Variants in RALYL observed in about 807,000 individuals in gnomAD.
The protein encoded by RALYL is RALY RNA binding protein like, also known as RNA-binding Raly-like protein.
Under a neutral mutation model 35.1 loss-of-function variants are expected in RALYL, and 29 were observed. The observed-to-expected ratio is 0.83, with a 90% CI of 0.61 to 1.13. The LOEUF (loss-of-function observed/expected upper bound fraction) is 1.13. Ranked by LOEUF, RALYL falls within the 50% of genes most tolerant of loss-of-function variation. The pLI, the probability that RALYL is intolerant of heterozygous loss-of-function variation, is 0.00. For missense variants in RALYL, 359 were observed against 360.4 expected, an observed-to-expected ratio of 1.00 and a Z score of 0.03; for synonymous variants, 120 against 127.6, an observed-to-expected ratio of 0.94 and a Z score of 0.40.
chr8:84,192,928 G>A (rs990042995), intron 1 of RALYL, among the ~76,000 whole-genome samples: 1 of 150,120 alleles, frequency 6.7e-6, no homozygotes, highest in Non-Finnish European at 1.5e-5. Flanking sequence ...TTGTGTACGT[G>A]TATATGTAAA....
chr8:84,574,822 T>G (rs2135855667), intron 2 of RALYL, among the ~76,000 whole-genome samples: 1 of 152,296 alleles, frequency 6.6e-6, no homozygotes, highest in Admixed American at 6.5e-5. Context: ...TTTCTAACCA[T>G]TATTAAAGTT....
chr8:84,851,466 T>C (rs893753256), intron 5 of RALYL, among the ~76,000 whole-genome samples: 1 of 152,162 alleles, frequency 6.6e-6, no homozygotes, highest in Non-Finnish European at 1.5e-5. Context: ...GGATCAACTA[T>C]ATATAGATAG....
At chr8:84,696,156 A>C (rs1839096170) in intron 2 of RALYL, among the ~76,000 whole-genome samples, 1 of 151,788 alleles carries the variant, frequency 6.6e-6, no homozygotes, top group Non-Finnish European at 1.5e-5. Context: ...CAGATGACAA[A>C]ATTTAAGTGC....
chr8:84,391,623 T>G (rs1443075925), intron 1 of RALYL, among the ~76,000 whole-genome samples: 2 of 152,026 alleles, frequency 1.3e-5, no homozygotes, highest in Non-Finnish European at 2.9e-5. Flanking sequence ...CAGTATTTAT[T>G]TAGATACAGC....
At chr8:84,851,178 C>T (rs1835783812) in intron 5 of RALYL, among the ~76,000 whole-genome samples, 2 of 152,054 alleles carry the variant, frequency 1.3e-5, no homozygotes, top group African/African-American at 4.8e-5. Flanking sequence ...GGAAGCATTA[C>T]AATTAATGAT....
intron 1 of RALYL, among the ~76,000 whole-genome samples, chr8:84,301,564 G>A (rs775562656): frequency 1.3e-4 from 20 of 151,742 alleles, no homozygotes; most frequent in Admixed American, 2.6e-4. Flanking sequence ...AACTCACAAC[G>A]TGATCTTAAT....
At chr8:84,705,726 G>A (rs924775419) in intron 2 of RALYL, among the ~76,000 whole-genome samples, 1 of 152,096 alleles carries the variant, frequency 6.6e-6, no homozygotes, top group Non-Finnish European at 1.5e-5. Flanking sequence ...ATCCAACATT[G>A]CTTCATGGAC....
intron 4 of RALYL, among the ~76,000 whole-genome samples, chr8:84,811,470 G>C (rs900134188): frequency 1.3e-5 from 2 of 152,106 alleles, no homozygotes; most frequent in Non-Finnish European, 2.9e-5. Flanking sequence ...CTTAACTTTA[G>C]ATAACTTGAT....
chr8:84,722,734 TAC>T (rs1554546487), intron 2 of RALYL, among the ~76,000 whole-genome samples: 2 of 147,844 alleles, frequency 1.4e-5, no homozygotes, highest in African/African-American at 2.5e-5. Flanking sequence ...TATAATATTA[TAC>T]ATATCACTCT....
chr8:84,290,075 A>G (rs1838462943), intron 1 of RALYL, among the ~76,000 whole-genome samples: 1 of 152,202 alleles, frequency 6.6e-6, no homozygotes, highest in African/African-American at 2.4e-5. Context: ...CATAGAGACA[A>G]TCACTGCTTG....
At chr8:84,231,815 C>G (rs1392556559) in intron 1 of RALYL, among the ~76,000 whole-genome samples, 3 of 152,006 alleles carry the variant, frequency 2.0e-5, no homozygotes, top group African/African-American at 7.2e-5. Flanking sequence ...TATACCAGGC[C>G]CTGTCCATGA....
intron 1 of RALYL, among the ~76,000 whole-genome samples, chr8:84,388,569 A>G (rs1021293066): frequency 1.3e-5 from 2 of 151,996 alleles, no homozygotes; most frequent in African/African-American, 2.4e-5. Flanking sequence ...TGTAGTTTTG[A>G]TTTGCATTTC....
Position 84,425,405 on chromosome 8 carries a change from G to T in RALYL, c.-23-103894G>T, listed in dbSNP as rs921740569. ...GTGAGGCAATGCCTCGCCCTGCTTC[G>T]GCTCGCGCACGGTGCGCTCACCCAC... is the stretch of plus-strand genomic sequence containing the variant. On this transcript the variant is annotated intron_variant, in intron 1 of 8. Coordinates refer to ENST00000521268, the MANE Select transcript of RALYL (RefSeq NM_173848.7). 5.3e-5 allele frequency among the ~76,000 whole-genome samples: 8 copies of T among 152,256 alleles called. No homozygotes were observed. In the East Asian group the frequency reaches 1.2e-3, roughly 22 times the overall value.
At chr8:84,187,060 A>G (rs926375374) in intron 1 of RALYL, among the ~76,000 whole-genome samples, 1 of 152,090 alleles carries the variant, frequency 6.6e-6, no homozygotes, top group African/African-American at 2.4e-5. Context: ...AAAAGTTTCT[A>G]TTTTGTAATG....
At chr8:84,773,098 T>C (rs1339396164) in intron 2 of RALYL, among the ~76,000 whole-genome samples, 2 of 152,210 alleles carry the variant, frequency 1.3e-5, no homozygotes, top group Non-Finnish European at 2.9e-5. Context: ...CTGGGCATAG[T>C]GACCTGTGCC....
chr8:84,542,936 T>G (rs2060115036), intron 2 of RALYL, among the ~76,000 whole-genome samples: 1 of 152,124 alleles, frequency 6.6e-6, no homozygotes, highest in Admixed American at 6.6e-5. Context: ...GTTTAAAAGC[T>G]CTCCTAATAT....
At chr8:84,641,629 C>A (rs1168481550) in intron 2 of RALYL, among the ~76,000 whole-genome samples, 2 of 151,684 alleles carry the variant, frequency 1.3e-5, no homozygotes, top group African/African-American at 4.8e-5. Context: ...TTACACAAAG[C>A]TAGTCATTAT....
chr8:84,445,643 T>A (rs1387210285), intron 1 of RALYL, among the ~76,000 whole-genome samples: 2 of 151,642 alleles, frequency 1.3e-5, no homozygotes, highest in Non-Finnish European at 2.9e-5. Context: ...AATTTATATT[T>A]TGTTATCAAT....
chr8:84,311,090 A>AAAAAAAAAAAAAAAAAAAATATAT (rs1554614840), intron 1 of RALYL, among the ~76,000 whole-genome samples: 1 of 99,720 alleles, frequency 1.0e-5, no homozygotes, highest in African/African-American at 3.6e-5. Context: ...AAAAAAAAAA[A>AAAAAAAAAAAAAAAAAAAATATAT]ATGTATATTA....
Sources: gnomAD v4.1 joint callset for allele counts (sites outside exome capture counted in the v4.1 genomes callset) on GRCh38, gnomAD v4.1.1 for gene constraint, MANE v1.5 for transcripts, NCBI Gene and HGNC (gene_info 2026-07-23, HGNC 2026-07-21) for gene names.